The following RAP1GAP2 variants were observed in gnomAD, a reference collection of about 807,000 sequenced individuals.
The protein encoded by RAP1GAP2 is rap1 GTPase-activating protein 2.
Under a neutral mutation model 95.0 loss-of-function variants are expected in RAP1GAP2, and 27 were observed. The ratio of observed to expected loss-of-function variants is 0.28; its 90% CI spans 0.21 to 0.39. The LOEUF is 0.39. Among genes scored for constraint, RAP1GAP2 ranks in the 10% least tolerant of loss-of-function variants. The pLI is 1.00. For synonymous variants in RAP1GAP2, 373 were observed against 380.9 expected, an observed-to-expected ratio of 0.98 and a Z score of 0.24; for missense variants, 771 against 970.0, an observed-to-expected ratio of 0.79 and a Z score of 2.72.
At chr17:2,864,838 A>G (rs1472025014) in intron 2 of RAP1GAP2, among the ~76,000 whole-genome samples, 1 of 152,278 alleles carries the variant, frequency 6.6e-6, no homozygotes, top group African/African-American at 2.4e-5. Flanking sequence ...ATTACCTCCA[A>G]ACAAAATGAC....
intron 2 of RAP1GAP2, among the ~76,000 whole-genome samples, chr17:2,863,790 C>T (rs2072507923): frequency 6.6e-6 from 1 of 152,154 alleles, no homozygotes; most frequent in South Asian, 2.1e-4. Flanking sequence ...GGCACGGTGG[C>T]TCACACCAGT....
intron 2 of RAP1GAP2, among the ~76,000 whole-genome samples, chr17:2,883,015 C>T (rs916782058): frequency 5.9e-5 from 9 of 152,172 alleles, no homozygotes; most frequent in African/African-American, 1.9e-4. Flanking sequence ...CCCTGATGGT[C>T]CTGGGCTTGG....
chr17:2,837,855 C>T (rs915118491), intron 2 of RAP1GAP2, among the ~76,000 whole-genome samples: 3 of 151,648 alleles, frequency 2.0e-5, no homozygotes, highest in Non-Finnish European at 2.9e-5. Context: ...ATCTGTCTGC[C>T]TTGGCCTCCC....
intron 1 of RAP1GAP2, among the ~76,000 whole-genome samples, chr17:2,763,512 A>G (rs541782918): frequency 6.6e-6 from 1 of 152,100 alleles, no homozygotes; most frequent in Non-Finnish European, 1.5e-5. Context: ...GCTGGCAATC[A>G]TGGTGCAACC....
At chr17:2,995,299 C>G (rs750826547) in intron 12 of RAP1GAP2, 38 bp from the exon 13 acceptor site, 30 of 1,605,204 alleles carry the variant, frequency 1.9e-5, no homozygotes, top group Non-Finnish European at 2.6e-5. Flanking sequence ...TTGCCTCACT[C>G]TCTTTTCTCC....
chr17:2,983,388 C>T (rs1339257691), intron 10 of RAP1GAP2, among the ~76,000 whole-genome samples: 1 of 152,148 alleles, frequency 6.6e-6, no homozygotes, highest in Non-Finnish European at 1.5e-5. Flanking sequence ...ACACGTTTCT[C>T]ATTCAAGTGC....
At chr17:2,925,264 G>A (rs149977296) in intron 3 of RAP1GAP2, among the ~76,000 whole-genome samples, 209 of 152,328 alleles carry the variant, frequency 1.4e-3, no homozygotes, top group African/African-American at 4.5e-3. Flanking sequence ...TTCGCACACT[G>A]CTGTAAAGAA....
At chr17:2,978,355 G>A (rs1254063739) in intron 8 of RAP1GAP2, among the ~76,000 whole-genome samples, 1 of 152,124 alleles carries the variant, frequency 6.6e-6, no homozygotes, top group African/African-American at 2.4e-5. Context: ...AACACAGGCG[G>A]TGAGATACTG....
chr17:2,950,501 A>G (rs2043880181), intron 3 of RAP1GAP2, among the ~76,000 whole-genome samples: 1 of 151,454 alleles, frequency 6.6e-6, no homozygotes, highest in South Asian at 2.1e-4. Flanking sequence ...AGGAGCTGCT[A>G]TTTACTGGGC....
chr17:2,903,153 TGCTGGGCTCCTA>T lies in RAP1GAP2; in HGVS notation c.81-2128_81-2117del, dbSNP rs1467377464. Reference sequence around the variant, plus strand: ...CTTCCCCTCCCTGCGTGCTTTTCCTTGCTGGGCTCCTAGCCTTACAGGGGAGCAGCTGTCATT... The same window carrying T: ...CTTCCCCTCCCTGCGTGCTTTTCCTTGCCTTACAGGGGAGCAGCTGTCATT... On this transcript the variant is annotated intron_variant, in intron 2 of 24. Coordinates refer to ENST00000254695, the MANE Select transcript of RAP1GAP2 (RefSeq NM_015085.5). The surrounding 1 kb of genome is among the most constrained non-coding windows in gnomAD (Gnocchi z 4.1). Among the ~76,000 whole-genome samples, 2 of 152,142 alleles carry T rather than the reference TGCTGGGCTCCTA, an allele frequency of 1.3e-5. No homozygotes were observed. The highest frequency in any genetic ancestry group is 2.4e-5 in the African/African-American group (1 of 41,434).
At chr17:3,017,934 T>C in intron 17 of RAP1GAP2, 127 bp from the exon 18 acceptor site, 1 of 802,624 alleles carries the variant, frequency 1.2e-6, no homozygotes, top group Non-Finnish European at 1.9e-6. Flanking sequence ...TGTGTGTGTG[T>C]GTGTGTGTGT....
chr17:2,771,737 G>A (rs1057508953), intron 2 of RAP1GAP2, among the ~76,000 whole-genome samples: 3 of 151,810 alleles, frequency 2.0e-5, no homozygotes, highest in African/African-American at 7.3e-5. Flanking sequence ...TGATCCACCC[G>A]CCTTGGCCTC....
intron 2 of RAP1GAP2, among the ~76,000 whole-genome samples, chr17:2,822,646 T>G (rs945053426): frequency 8.0e-5 from 12 of 150,036 alleles, no homozygotes; most frequent in African/African-American, 2.7e-4. Context: ...TTTTTTTTTT[T>G]TTTTAAGAAA....
At position 2,854,212 on chromosome 17, in the gene RAP1GAP2, G is replaced by A. The variant is rs930964277; in HGVS notation, c.81-51072G>A. The A allele has an allele frequency of 1.2e-5, 11 of 928,486 alleles. No homozygotes were observed. The African/African-American group carries it at 1.6e-4, about 14-fold the overall frequency. The allele number at this position is 928,486 out of a possible 1,614,324, so 57.5% of individuals were successfully genotyped here. On this transcript the variant is annotated intron_variant, in intron 2 of 24. Coordinates refer to ENST00000254695, the MANE Select transcript of RAP1GAP2 (RefSeq NM_015085.5). ...TTGGTTCCGTGTTGGTTAGAAAAAA[G>A]CCTCCTCTCCAGGTACCGTCGTGCG...
chr17:3,009,522 C>T (rs993764423), intron 17 of RAP1GAP2, among the ~76,000 whole-genome samples: 20 of 152,174 alleles, frequency 1.3e-4, no homozygotes, highest in South Asian at 2.1e-4. Context: ...ATTCCAAATC[C>T]GACACCACCT....
chr17:2,948,145 C>T (rs1355510458), intron 3 of RAP1GAP2, among the ~76,000 whole-genome samples: 2 of 152,226 alleles, frequency 1.3e-5, no homozygotes, highest in Non-Finnish European at 2.9e-5. Context: ...CCTGCCACAG[C>T]TCTGTGAGTT....
intron 3 of RAP1GAP2, among the ~76,000 whole-genome samples, chr17:2,925,446 G>T (rs1461087329): frequency 6.6e-6 from 1 of 152,148 alleles, no homozygotes; most frequent in African/African-American, 2.4e-5. Context: ...AAGAGCGAAG[G>T]AGGAGCTTCC....
chr17:2,922,889 A>G (rs190131335), intron 3 of RAP1GAP2, among the ~76,000 whole-genome samples: 12 of 143,772 alleles, frequency 8.3e-5, no homozygotes, highest in Admixed American at 2.9e-4. Flanking sequence ...TTGGAGTGCA[A>G]TGGTGCGACC....
At chr17:3,012,687 A>G (rs2046599572) in intron 17 of RAP1GAP2, among the ~76,000 whole-genome samples, 1 of 151,560 alleles carries the variant, frequency 6.6e-6, no homozygotes, top group Non-Finnish European at 1.5e-5. Context: ...TATAGGGTAA[A>G]TAGGTAAGGC....
Sources: gnomAD v4.1 joint callset for allele counts (sites outside exome capture counted in the v4.1 genomes callset) on GRCh38, gnomAD v4.1.1 for gene constraint, Gnocchi (gnomAD v3.1) non-coding constraint, MANE v1.5 for transcripts, NCBI Gene and HGNC (gene_info 2026-07-23, HGNC 2026-07-21) for gene names.